Variants in SNTB1 observed in about 807,000 individuals in gnomAD.
SNTB1 encodes the protein beta-1-syntrophin.
Under a neutral mutation model 48.9 loss-of-function variants are expected in SNTB1, and 36 were observed. That is an observed-to-expected ratio of 0.74 (90% confidence interval 0.56 to 0.97). The LOEUF is 0.97. Among genes scored for constraint, SNTB1 ranks in the 50% least tolerant of loss-of-function variants. The pLI is 0.00. For missense variants in SNTB1, 786 were observed against 703.4 expected (o/e 1.12, Z -1.33); for synonymous variants, 299 against 294.6 (o/e 1.01, Z -0.15).
chr8:120,772,114 C>T (rs960563294), intron 1 of SNTB1, among the ~76,000 whole-genome samples: 1 of 152,142 alleles, frequency 6.6e-6, no homozygotes, highest in African/African-American at 2.4e-5. Context: ...AGTGATCCAC[C>T]TGCCTCGGGT....
chr8:120,676,568 T>C (rs1206260355), intron 2 of SNTB1, among the ~76,000 whole-genome samples: 1 of 152,228 alleles, frequency 6.6e-6, no homozygotes, highest in African/African-American at 2.4e-5. Context: ...AATGAAGTTT[T>C]CATTAGTTCA....
chr8:120,560,474 C>T (rs1156912923), intron 4 of SNTB1, among the ~76,000 whole-genome samples: 1 of 152,120 alleles, frequency 6.6e-6, no homozygotes, highest in Non-Finnish European at 1.5e-5. Flanking sequence ...CAGAGCGAGA[C>T]TTCGTCTCAA....
At chr8:120,595,116 C>A (rs997832374) in intron 3 of SNTB1, among the ~76,000 whole-genome samples, 1 of 152,008 alleles carries the variant, frequency 6.6e-6, no homozygotes, top group East Asian at 1.9e-4. Flanking sequence ...TGGGCTACAT[C>A]GCTGTGCTTT....
chr8:120,607,365 A>G lies in SNTB1; in HGVS notation c.996+25079T>C, dbSNP rs191407921. 7.4e-3 allele frequency among the ~76,000 whole-genome samples: 1,119 copies of G among 152,244 alleles called. 11 individuals carry two copies. The highest frequency in any genetic ancestry group is 0.025 in the African/African-American group (1,034 of 41,540). On this transcript the variant is annotated intron_variant, in intron 3 of 6. Coordinates refer to ENST00000517992, the MANE Select transcript of SNTB1 (RefSeq NM_021021.4). ...TTAATGCAATCCCAATGAACTTGCC[A>G]TTTAACTTTTCTTTTTTTTTCTTTT...
chr8:120,765,629 T>G (rs1237641757), intron 1 of SNTB1: 2 of 152,212 alleles, frequency 1.3e-5, no homozygotes, highest in Non-Finnish European at 2.9e-5. Context: ...GAAATGGAAC[T>G]CACAGCCTCG....
intron 4 of SNTB1, among the ~76,000 whole-genome samples, chr8:120,568,330 C>A (rs1276465025): frequency 6.6e-6 from 1 of 152,116 alleles, no homozygotes; most frequent in Non-Finnish European, 1.5e-5. Context: ...GCTACATCTC[C>A]CTGGCATCAT....
intron 3 of SNTB1, among the ~76,000 whole-genome samples, chr8:120,585,589 T>C (rs1466067742): frequency 6.6e-6 from 1 of 152,230 alleles, no homozygotes; most frequent in Non-Finnish European, 1.5e-5. Context: ...AACAAGTAGC[T>C]GGGGCAAAAT....
intron 3 of SNTB1, among the ~76,000 whole-genome samples, chr8:120,595,434 T>A (rs7846519): frequency 0.47 from 70,823 of 151,858 alleles, 19,264 homozygotes; most frequent in Non-Finnish European, 0.63. Context: ...CATGGCAACA[T>A]CAGGAAGTTA....
At chr8:120,545,453 T>A (rs965138101) in intron 5 of SNTB1, among the ~76,000 whole-genome samples, 3 of 152,198 alleles carry the variant, frequency 2.0e-5, no homozygotes, top group Non-Finnish European at 4.4e-5. Context: ...TGGAATCTTG[T>A]TAAATGCAAA....
At chr8:120,725,753 C>T (rs992342866) in intron 1 of SNTB1, among the ~76,000 whole-genome samples, 4 of 152,156 alleles carry the variant, frequency 2.6e-5, no homozygotes, top group Non-Finnish European at 4.4e-5. Flanking sequence ...CTCATCGTAA[C>T]ATAGGGCCGA....
At chr8:120,752,179 G>T (rs1819230015) in intron 1 of SNTB1, among the ~76,000 whole-genome samples, 1 of 152,104 alleles carries the variant, frequency 6.6e-6, no homozygotes, top group Non-Finnish European at 1.5e-5. Flanking sequence ...AAAAGGGAAT[G>T]AAAATCCAAT....
At chr8:120,776,042 G>C (rs973421072) in intron 1 of SNTB1, among the ~76,000 whole-genome samples, 2 of 152,164 alleles carry the variant, frequency 1.3e-5, no homozygotes, top group African/African-American at 4.8e-5. Flanking sequence ...ATTCCTCAAA[G>C]ATCTAGAACT....
chr8:120,617,044 G>A (rs1041246344), intron 3 of SNTB1, among the ~76,000 whole-genome samples: 4 of 152,210 alleles, frequency 2.6e-5, no homozygotes, highest in African/African-American at 7.2e-5. Context: ...CATGTGGCCC[G>A]GGACAGCTTT....
intron 3 of SNTB1, among the ~76,000 whole-genome samples, chr8:120,584,926 C>A (rs1398054507): frequency 6.6e-6 from 1 of 152,092 alleles, no homozygotes; most frequent in African/African-American, 2.4e-5. Flanking sequence ...AGATTGCCAG[C>A]AATCTGGTGG....
chr8:120,670,463 A>G (rs59486364), intron 2 of SNTB1, among the ~76,000 whole-genome samples: 44,128 of 152,152 alleles, frequency 0.29, 7,442 homozygotes, highest in Admixed American at 0.37. Flanking sequence ...AGAGTAGGTA[A>G]TATCCGTATG....
intron 1 of SNTB1, among the ~76,000 whole-genome samples, chr8:120,781,702 CATTCTT>C (rs1354241767): frequency 5.3e-5 from 8 of 152,280 alleles, no homozygotes; most frequent in Admixed American, 1.3e-4. Context: ...AGAATGGACT[CATTCTT>C]ATTCAGGAAT....
At chr8:120,590,749 C>T (rs1194444687) in intron 3 of SNTB1, among the ~76,000 whole-genome samples, 6 of 147,520 alleles carry the variant, frequency 4.1e-5, no homozygotes, top group East Asian at 2.0e-4. Context: ...GGCGCGATCT[C>T]GGCTCACTGC....
chr8:120,538,962 T>C lies in SNTB1; in HGVS notation c.1532A>G (p.Asp511Gly), dbSNP rs774458076. 6.2e-7 allele frequency: 1 copy of C among 1,608,658 alleles called. No individual in the cohort carries two copies. The highest frequency in any genetic ancestry group is 1.3e-5 in the African/African-American group (1 of 74,562). Residue 511 changes from aspartate (D) to glycine (G), a missense_variant, in exon 7 of 7, where the codon GAC (aspartate) becomes GGC (glycine). Asp to Gly is a moderately conservative substitution (Grantham distance 94). Coordinates refer to ENST00000517992, the MANE Select transcript of SNTB1 (RefSeq NM_021021.4). ...AATTGGCTTGGGGCAGGAATGAAGG[T>C]CCAGTTGCTGAAATTTAAAAAGAAG... The part of the protein sequence containing the change: ...FGGKDGEIQL[D>G]LHSCPKPIVF...
At chr8:120,775,660 GAAGT>G (rs1819719766) in intron 1 of SNTB1, 2 of 149,566 alleles carry the variant, frequency 1.3e-5, no homozygotes, top group African/African-American at 2.5e-5. Flanking sequence ...AGAAAGGAAG[GAAGT>G]AAGGAGGGAG....
Sources: allele counts gnomAD v4.1 joint callset (sites outside exome capture counted in the v4.1 genomes callset), GRCh38; gene constraint gnomAD v4.1.1; transcripts MANE v1.5; gene names NCBI Gene and HGNC (gene_info 2026-07-23, HGNC 2026-07-21).